The following DAB1 variants were observed in gnomAD, a reference collection of about 807,000 sequenced individuals.
DAB1 encodes the protein disabled homolog 1.
A neutral mutation model predicts 64.6 loss-of-function variants in DAB1; 15 were observed. The ratio of observed to expected loss-of-function variants is 0.23; its 90% confidence interval spans 0.16 to 0.36. The LOEUF is 0.36. Among genes scored for constraint, DAB1 ranks in the 10% least tolerant of loss-of-function variants. DAB1 has a pLI of 1.00. For missense variants in DAB1, 596 were observed against 706.7 expected (o/e 0.84, Z 1.78); for synonymous variants, 235 against 251.9 (o/e 0.93, Z 0.64).
chr1:57,673,115 A>G (rs553181403), intron 6 of DAB1, among the ~76,000 whole-genome samples: 2 of 152,246 alleles, frequency 1.3e-5, no homozygotes, highest in East Asian at 3.9e-4. Flanking sequence ...AGGTGCTGGC[A>G]AATTAGGTGT....
rs989284264 is a variant in DAB1 at position 58,247,827 on chromosome 1, C to T, written n.309+95525G>A. Reference sequence around the variant, plus strand: ...CCTCCCACCGAGTTCTCTGTCTCTGCTTCCTCTTTCCCACTGTCTGGTTGT... The same window carrying T: ...CCTCCCACCGAGTTCTCTGTCTCTGTTTCCTCTTTCCCACTGTCTGGTTGT... On this transcript the variant is annotated intron_variant and non_coding_transcript_variant, in intron 4 of 20. Transcript: ENST00000485760. 7.4e-5 allele frequency among the ~76,000 whole-genome samples: 10 copies of T among 134,308 alleles called. 1 individual carries two copies. Among genetic ancestry groups the T allele is most frequent in the Non-Finnish European group, 1.4e-4 (9 of 64,168 alleles). 88.1% of individuals were successfully genotyped at this position (134,308 alleles called of 152,430 possible).
At chr1:57,366,014 G>A (rs1170826133) in intron 1 of DAB1, among the ~76,000 whole-genome samples, 1 of 152,210 alleles carries the variant, frequency 6.6e-6, no homozygotes, top group African/African-American at 2.4e-5. Context: ...ATAGTAGAAA[G>A]ATGAGCGGAA....
intron 4 of DAB1, among the ~76,000 whole-genome samples, chr1:57,136,210 G>A (rs901415369): frequency 6.6e-6 from 1 of 152,086 alleles, no homozygotes; most frequent in Non-Finnish European, 1.5e-5. Flanking sequence ...CTCCCTCTAG[G>A]ACGTATGTCA....
chr1:57,408,729 G>T lies in DAB1; in HGVS notation c.-137+15201C>A, dbSNP rs367841095. On this transcript the variant is annotated intron_variant, in intron 1 of 14. Transcript: ENST00000371236. ...CAAACAGCAAGTGTCTCCCTTCATT[G>T]TTTGCCTGTAGCTCACAATATTAAC... Among the ~76,000 whole-genome samples the T allele has an allele frequency of 1.6e-3, 251 of 152,242 alleles. 3 individuals are homozygous for T. The South Asian group carries it at 0.049, about 30-fold the overall frequency.
intron 5 of DAB1, among the ~76,000 whole-genome samples, chr1:58,094,457 G>T (rs1229193440): frequency 6.6e-6 from 1 of 152,224 alleles, no homozygotes; most frequent in African/African-American, 2.4e-5. Flanking sequence ...ACAACATGAT[G>T]ATGAAGAGAA....
chr1:58,383,299 T>G (rs1477639463), intron 3 of DAB1, among the ~76,000 whole-genome samples: 1 of 152,180 alleles, frequency 6.6e-6, no homozygotes, highest in Non-Finnish European at 1.5e-5. Flanking sequence ...CTTCTGACTC[T>G]AGAGAGTATA....
chr1:57,411,485 G>T lies in DAB1; in HGVS notation c.-137+12445C>A, dbSNP rs563892338. ...TAACTGTGGTCTATCCGAAATGCCA[G>T]AGTAGTGTGTCAGCAGCCAGACTCT... is the stretch of plus-strand genomic sequence containing the variant. On this transcript the variant is annotated intron_variant, in intron 1 of 14. Transcript: ENST00000371236. 1.4e-4 allele frequency among the ~76,000 whole-genome samples: 22 copies of T among 152,348 alleles called. No homozygotes were observed. In the East Asian group the frequency reaches 2.1e-3, roughly 15 times the overall value.
chr1:57,344,519 T>C (rs2100839688), intron 1 of DAB1, among the ~76,000 whole-genome samples: 1 of 152,058 alleles, frequency 6.6e-6, no homozygotes, highest in East Asian at 2.0e-4. Flanking sequence ...TTGTACACAA[T>C]TAGTTCAAAC....
chr1:57,411,356 C>G (rs1684097462), intron 1 of DAB1, among the ~76,000 whole-genome samples: 1 of 152,208 alleles, frequency 6.6e-6, no homozygotes, highest in Non-Finnish European at 1.5e-5. Context: ...AGGCCTGTGG[C>G]TCCTCATTTG....
intron 2 of DAB1, among the ~76,000 whole-genome samples, chr1:57,175,747 C>T (rs1662242951): frequency 1.3e-5 from 2 of 152,184 alleles, no homozygotes; most frequent in Admixed American, 1.3e-4. Context: ...TGCTTGCTAT[C>T]TGCTAACAGA....
intron 7 of DAB1, among the ~76,000 whole-genome samples, chr1:57,589,137 T>C (rs1645413385): frequency 6.6e-6 from 1 of 152,110 alleles, no homozygotes; most frequent in Non-Finnish European, 1.5e-5. Flanking sequence ...GAGAATTGCT[T>C]GAACCTGGGG....
intron 7 of DAB1, among the ~76,000 whole-genome samples, chr1:57,504,056 C>T (rs1277299371): frequency 1.3e-5 from 2 of 152,140 alleles, no homozygotes; most frequent in Admixed American, 6.5e-5. Context: ...CCCATGTCAT[C>T]TTAATATCTC....
chr1:58,055,601 T>C (rs1258343959), intron 5 of DAB1, among the ~76,000 whole-genome samples: 1 of 152,244 alleles, frequency 6.6e-6, no homozygotes, highest in Non-Finnish European at 1.5e-5. Flanking sequence ...TGTTTACCAC[T>C]ATACATTTGA....
At chr1:57,783,085 T>TTC (rs71051259) in intron 6 of DAB1, among the ~76,000 whole-genome samples, 10 of 129,122 alleles carry the variant, frequency 7.7e-5, no homozygotes, top group Admixed American at 1.8e-4. Flanking sequence ...CCTTCTTTCT[T>TTC]TCTCTCTCTC....
intron 3 of DAB1, among the ~76,000 whole-genome samples, chr1:58,365,684 C>T (rs1214346936): frequency 6.6e-6 from 1 of 152,160 alleles, no homozygotes; most frequent in Non-Finnish European, 1.5e-5. Context: ...GTCTCAACAT[C>T]AACTTATAGA....
intron 4 of DAB1, among the ~76,000 whole-genome samples, chr1:58,154,213 A>G (rs1202719207): frequency 6.6e-6 from 1 of 151,678 alleles, no homozygotes; most frequent in African/African-American, 2.4e-5. Flanking sequence ...TCAGTAAGAA[A>G]CTCCTTTGTA....
chr1:57,995,856 C>A (rs1220978374), intron 5 of DAB1, among the ~76,000 whole-genome samples: 1 of 151,718 alleles, frequency 6.6e-6, no homozygotes, highest in Non-Finnish European at 1.5e-5. Context: ...CCCCACAGAC[C>A]AAGCACATAC....
intron 1 of DAB1, among the ~76,000 whole-genome samples, chr1:57,359,133 C>T (rs1274898087): frequency 6.6e-6 from 1 of 151,906 alleles, no homozygotes; most frequent in Non-Finnish European, 1.5e-5. Flanking sequence ...AGCAAACAAA[C>T]CAATCAACAG....
intron 3 of DAB1, among the ~76,000 whole-genome samples, chr1:58,414,841 T>C (rs1644703410): frequency 6.6e-6 from 1 of 152,024 alleles, no homozygotes; most frequent in Non-Finnish European, 1.5e-5. Flanking sequence ...TTCCATGATA[T>C]GGTAAAATCT....
Sources: allele counts gnomAD v4.1 joint callset (sites outside exome capture counted in the v4.1 genomes callset), GRCh38; gene constraint gnomAD v4.1.1; transcripts MANE v1.5; gene names NCBI Gene and HGNC (gene_info 2026-07-23, HGNC 2026-07-21).